The following EDAR variants were observed in gnomAD, a reference collection of about 807,000 sequenced individuals.
EDAR encodes the protein tumor necrosis factor receptor superfamily member EDAR.
In EDAR, 38 loss-of-function variants were observed where a neutral mutation model predicts 51.3. The observed-to-expected ratio is 0.74, with a 90% CI of 0.57 to 0.97. The LOEUF (loss-of-function observed/expected upper bound fraction) is 0.97. Ranked by LOEUF, EDAR falls within the 50% of genes least tolerant of loss-of-function variation. The pLI is 0.00. For missense variants in EDAR, 528 were observed against 595.0 expected (o/e 0.89, Z 1.17); for synonymous variants, 227 against 242.1 (o/e 0.94, Z 0.58).
intron 5 of EDAR, among the ~76,000 whole-genome samples, chr2:108,917,001 T>C (rs1453841000): frequency 2.0e-5 from 3 of 152,178 alleles, no homozygotes; most frequent in East Asian, 1.9e-4. Context: ...TTCCTGACAA[T>C]GGGCCTCTTC....
chr2:108,902,147 AGAATCGCTTAAACCTGG>A (rs1412642193), intron 11 of EDAR, among the ~76,000 whole-genome samples: 1 of 151,718 alleles, frequency 6.6e-6, no homozygotes, highest in African/African-American at 2.4e-5. Flanking sequence ...CTGAGAAAGG[AGAATCGCTTAAACCTGG>A]GAGGTGGAGG....
chr2:108,950,333 A>G (rs941264869), intron 1 of EDAR, among the ~76,000 whole-genome samples: 8 of 151,090 alleles, frequency 5.3e-5, no homozygotes, highest in Admixed American at 1.3e-4. Flanking sequence ...TCACTGCAGC[A>G]TCAAATTTTT....
intron 1 of EDAR, among the ~76,000 whole-genome samples, chr2:108,973,388 G>A (rs1397411035): frequency 1.3e-5 from 2 of 152,244 alleles, no homozygotes; most frequent in African/African-American, 4.8e-5. Flanking sequence ...TGCAGAGAGA[G>A]TGTCCGCCAT....
chr2:108,958,329 G>A (rs1419943796), intron 1 of EDAR, among the ~76,000 whole-genome samples: 5 of 151,744 alleles, frequency 3.3e-5, no homozygotes, highest in South Asian at 4.2e-4. Context: ...AGCTCGTAAC[G>A]ACCACATAAT....
rs150453017 is a variant in EDAR, at chr2:108,930,139, G to A, written c.155C>T (p.Pro52Leu). The stretch of plus-strand genomic sequence containing the variant: ...CCTTACCAGGTAGGGCTCCTCTCCC[G>A]GCCCACACGGGGGGCACTCCTGGCA... ...GLCQECPPCG[P>L]GEEPYLSCGY... The change falls in exon 3 of 12, where the codon CCG (proline) becomes CTG (leucine). Residue 52 changes from proline to leucine, a missense_variant. By Grantham distance (98) the Pro-to-Leu change is moderately conservative (BLOSUM62 -3). Coordinates refer to ENST00000258443, the MANE Select transcript of EDAR (RefSeq NM_022336.4). 2.5e-5 allele frequency: 40 copies of A among 1,613,754 alleles called. No homozygotes were observed. The African/African-American group carries it at 2.5e-4, about 10-fold the overall frequency.
At chr2:108,912,071 A>G (rs2606148) in intron 6 of EDAR, among the ~76,000 whole-genome samples, 138,885 of 152,262 alleles carry the variant, frequency 0.91, 63,411 homozygotes, top group East Asian at 1. Flanking sequence ...CCAGAGATGA[A>G]GCTGACGAGC....
Position 108,978,070 on chromosome 2 carries a change from G to A in EDAR, c.-19+10890C>T, listed in dbSNP as rs1698358049. On this transcript the variant is annotated intron_variant, in intron 1 of 11. Transcript: ENST00000258443. ...TCGTTCTTCCTTCTCCCGACAAATGGCACTGACATAGGGAAGAGCCCAGGG... is the reference window on the plus strand; with the variant it reads ...TCGTTCTTCCTTCTCCCGACAAATGACACTGACATAGGGAAGAGCCCAGGG... Among the ~76,000 whole-genome samples the A allele has an allele frequency of 2.0e-5, 3 of 152,178 alleles. No individual in the cohort carries two copies. The South Asian group carries it at 6.2e-4, about 32-fold the overall frequency.
intron 1 of EDAR, among the ~76,000 whole-genome samples, chr2:108,933,288 G>A (rs746684677): frequency 3.3e-5 from 5 of 152,130 alleles, no homozygotes; most frequent in Non-Finnish European, 5.9e-5. Flanking sequence ...GAGCATTCTG[G>A]GGAACATTCA....
intron 1 of EDAR, 40 bp from the exon 2 acceptor site, chr2:108,931,072 A>G: frequency 6.4e-7 from 1 of 1,573,828 alleles, no homozygotes; most frequent in Admixed American, 1.7e-5. Context: ...TGGCGGTAGC[A>G]CCCCAGCCGG....
At chr2:108,987,743 A>G (rs1201870201) in intron 1 of EDAR, among the ~76,000 whole-genome samples, 1 of 152,094 alleles carries the variant, frequency 6.6e-6, no homozygotes, top group Non-Finnish European at 1.5e-5. Context: ...GGATCGCCAA[A>G]CTTTCCCAGC....
At position 108,956,891 on chromosome 2, in the gene EDAR, C is replaced by T. The variant is rs536025103; in HGVS notation, c.-18-25859G>A. Among the ~76,000 whole-genome samples the T allele has an allele frequency of 3.3e-5, 5 of 152,140 alleles. No homozygotes were observed. In the South Asian group the frequency reaches 8.3e-4, roughly 25 times the overall value. Reference sequence around the variant, plus strand: ...GCAACCTCCACCTCCCAGGTTCAAGCGGTTCTCCTGCCTCAGCCTCCCGAG... The same window carrying T: ...GCAACCTCCACCTCCCAGGTTCAAGTGGTTCTCCTGCCTCAGCCTCCCGAG... On this transcript the variant is annotated intron_variant, in intron 1 of 11. Transcript: ENST00000258443.
chr2:108,965,890 C>CA lies in EDAR; in HGVS notation c.-19+23069dup, dbSNP rs367589410. On this transcript the variant is annotated intron_variant, in intron 1 of 11. Transcript: ENST00000258443. ...CCTTCTGTGCTCCCCCCTCTCCCCC[C>CA]AGGCAAAGAAATATTTCCTGAAAAC... Among the ~76,000 whole-genome samples, 1,256 of 152,222 alleles carry CA rather than the reference C, an allele frequency of 8.3e-3. 8 individuals carry two copies. The highest frequency in any genetic ancestry group is 0.013 in the Non-Finnish European group (887 of 68,010).
chr2:108,926,193 G>A (rs1000038233), intron 4 of EDAR, among the ~76,000 whole-genome samples: 5 of 152,166 alleles, frequency 3.3e-5, no homozygotes, highest in African/African-American at 1.2e-4. Context: ...CCCGAAATCA[G>A]GTGTTCATTT....
intron 1 of EDAR, among the ~76,000 whole-genome samples, chr2:108,972,634 G>A (rs1440758226): frequency 6.6e-6 from 1 of 152,258 alleles, no homozygotes; most frequent in Non-Finnish European, 1.5e-5. Flanking sequence ...GGTGACGGGT[G>A]TCTTCCCCAC....
intron 5 of EDAR, among the ~76,000 whole-genome samples, chr2:108,921,070 G>C (rs1363872664): frequency 6.6e-6 from 1 of 152,212 alleles, no homozygotes; most frequent in Middle Eastern, 3.2e-3. Flanking sequence ...CGAGTCATAA[G>C]AAACCCCCAG....
intron 4 of EDAR, among the ~76,000 whole-genome samples, chr2:108,928,705 A>T (rs989708600): frequency 6.6e-6 from 1 of 152,162 alleles, no homozygotes. Context: ...GGAAGATTTT[A>T]TCTTTCTCTC....
At chr2:108,932,741 AGGAGAT>A (rs1202313930) in intron 1 of EDAR, among the ~76,000 whole-genome samples, 1 of 152,126 alleles carries the variant, frequency 6.6e-6, no homozygotes, top group East Asian at 1.9e-4. Context: ...ATGGTCCTTT[AGGAGAT>A]GCACCCAATG....
rs150927493 is a variant in EDAR at position 108,960,579 on chromosome 2, C to T, written c.-19+28381G>A. 2.6e-5 allele frequency among the ~76,000 whole-genome samples: 4 copies of T among 152,318 alleles called. No homozygotes were observed. In the East Asian group the frequency reaches 7.7e-4, roughly 29 times the overall value. On this transcript the variant is annotated intron_variant, in intron 1 of 11. Coordinates refer to ENST00000258443, the MANE Select transcript of EDAR (RefSeq NM_022336.4). ...TGGACAACAACTTCCACCACGCTGG[C>T]TCTGTCACTGATAGGTTTTTACATT...
chr2:108,911,195 T>C (rs1696923837), intron 6 of EDAR, 123 bp from the exon 7 acceptor site: 7 of 1,216,732 alleles, frequency 5.8e-6, no homozygotes, highest in East Asian at 2.4e-5. Flanking sequence ...AACCCTGAAA[T>C]CTGAGGTGCT....
Sources: allele counts gnomAD v4.1 joint callset (sites outside exome capture counted in the v4.1 genomes callset), GRCh38; gene constraint gnomAD v4.1.1; transcripts MANE v1.5; gene names NCBI Gene and HGNC (gene_info 2026-07-23, HGNC 2026-07-21).